SLC4A5: variants seen among roughly 807,000 people sequenced by gnomAD.
SLC4A5 encodes solute carrier family 4 member 5, also known as electrogenic sodium bicarbonate cotransporter 4.
SLC4A5 carries 96 observed loss-of-function variants against 120.4 expected under a neutral mutation model. The observed-to-expected ratio is 0.80, with a 90% CI of 0.68 to 0.94. The LOEUF (loss-of-function observed/expected upper bound fraction) is 0.94, where lower values mean the gene tolerates loss of function less well. Among genes scored for constraint, SLC4A5 ranks in the 40% least tolerant of loss-of-function variants. The pLI, the probability that SLC4A5 is intolerant of heterozygous loss-of-function variation, is 0.00. For missense variants in SLC4A5, 1,259 were observed against 1,459.5 expected, an observed-to-expected ratio of 0.86 and a Z score of 2.24; for synonymous variants, 550 against 571.1, an observed-to-expected ratio of 0.96 and a Z score of 0.53.
chr2:74,223,206 A>AT (rs1694718813), intron 28 of SLC4A5, among the ~76,000 whole-genome samples: 1 of 152,026 alleles, frequency 6.6e-6, no homozygotes, highest in Non-Finnish European at 1.5e-5. Flanking sequence ...GGGTTTCACC[A>AT]TGCTGGCCAG....
At chr2:74,299,195 A>G (rs1672408676) in intron 7 of SLC4A5, among the ~76,000 whole-genome samples, 1 of 152,180 alleles carries the variant, frequency 6.6e-6, no homozygotes, top group Non-Finnish European at 1.5e-5. Flanking sequence ...TACTAAAAAC[A>G]CAAAAATTAG....
At chr2:74,262,998 A>G (rs1671190191) in intron 10 of SLC4A5, among the ~76,000 whole-genome samples, 1 of 152,192 alleles carries the variant, frequency 6.6e-6, no homozygotes, top group Non-Finnish European at 1.5e-5. Context: ...AGTGCTGAGT[A>G]TGTATCTGTT....
At chr2:74,244,693 T>C (rs1180661351) in intron 19 of SLC4A5, among the ~76,000 whole-genome samples, 2 of 152,278 alleles carry the variant, frequency 1.3e-5, no homozygotes. Context: ...GTGAAATTCC[T>C]GTCTCAGCCT....
At chr2:74,313,895 C>A (rs982874339) in intron 6 of SLC4A5, among the ~76,000 whole-genome samples, 1 of 152,184 alleles carries the variant, frequency 6.6e-6, no homozygotes, top group Admixed American at 6.5e-5. Flanking sequence ...CAAGAGGCAG[C>A]TGCCCTAGGT....
chr2:74,289,917 A>C (rs984614058), intron 7 of SLC4A5, among the ~76,000 whole-genome samples: 1 of 152,230 alleles, frequency 6.6e-6, no homozygotes, highest in African/African-American at 2.4e-5. Flanking sequence ...TATGTTATTC[A>C]CCAGTTGAAA....
chr2:74,332,703 TTGTGTG>T (rs3834171), intron 4 of SLC4A5, among the ~76,000 whole-genome samples: 2 of 148,294 alleles, frequency 1.3e-5, no homozygotes, highest in Admixed American at 1.3e-4. Flanking sequence ...GGGTGTCCAT[TTGTGTG>T]TGTGTGTGTG....
At chr2:74,325,214 G>C (rs933171020) in intron 5 of SLC4A5, among the ~76,000 whole-genome samples, 2 of 152,188 alleles carry the variant, frequency 1.3e-5, no homozygotes, top group Non-Finnish European at 2.9e-5. Context: ...GGAAAAGAAA[G>C]TTTGTTGGAA....
At position 74,237,823 on chromosome 2, in the gene SLC4A5, TG is replaced by T. The variant is rs1162639034; in HGVS notation, c.2319+1511del. Among the ~76,000 whole-genome samples, 7 of 152,244 alleles carry T rather than the reference TG, an allele frequency of 4.6e-5. No individual in the cohort carries two copies. In the East Asian group the frequency reaches 1.4e-3, roughly 29 times the overall value. On this transcript the variant is annotated intron_variant, in intron 21 of 30. Transcript: ENST00000394019. ...TAAAATTTAAAACAGCAGTTAGGGCTGGGTGCGGTGGCTCACACCTGTAATC... is the reference window on the plus strand; with the variant it reads ...TAAAATTTAAAACAGCAGTTAGGGCTGGTGCGGTGGCTCACACCTGTAATC...
rs553939399 is a variant in SLC4A5 at position 74,247,389 on chromosome 2, C to T, written c.1788-82G>A. On this transcript the variant is annotated intron_variant, in intron 18 of 30. Coordinates refer to ENST00000394019, the Ensembl canonical transcript of SLC4A5. ...ACTCCTCAGACTCATCCTTAAGTGG[C>T]TTATCTGTCCTCCTGTGGCACTGAT... is the stretch of plus-strand genomic sequence containing the variant. 32 of 1,434,136 alleles carry T rather than the reference C, an allele frequency of 2.2e-5. No individual in the cohort carries two copies. The East Asian group carries it at 7.6e-4, about 34-fold the overall frequency. The allele number at this position is 1,434,136 out of a possible 1,614,324, so 88.8% of individuals were successfully genotyped here.
chr2:74,335,823 A>G (rs1156505298), intron 3 of SLC4A5, among the ~76,000 whole-genome samples: 1 of 152,228 alleles, frequency 6.6e-6, no homozygotes, highest in Non-Finnish European at 1.5e-5. Context: ...TAAGAAACAC[A>G]TAATAAGACA....
intron 7 of SLC4A5, among the ~76,000 whole-genome samples, chr2:74,297,823 G>C (rs1672377107): frequency 6.6e-6 from 1 of 152,132 alleles, no homozygotes; most frequent in South Asian, 2.1e-4. Flanking sequence ...GGTAAGGAGG[G>C]AGAGAGAGAA....
chr2:74,300,786 T>C (rs553588717), intron 7 of SLC4A5, among the ~76,000 whole-genome samples: 9 of 152,306 alleles, frequency 5.9e-5, no homozygotes, highest in South Asian at 2.1e-4. Context: ...GAGAGCAACT[T>C]TGCAGCAAGG....
intron 6 of SLC4A5, among the ~76,000 whole-genome samples, chr2:74,304,913 GAGC>G (rs1159869821): frequency 1.3e-5 from 2 of 152,174 alleles, no homozygotes; most frequent in African/African-American, 2.4e-5. Flanking sequence ...CTGTTAGAAT[GAGC>G]AGAACTCCCA....
At chr2:74,240,281 TC>T (rs1670397866) in intron 20 of SLC4A5, among the ~76,000 whole-genome samples, 1 of 152,108 alleles carries the variant, frequency 6.6e-6, no homozygotes, top group African/African-American at 2.4e-5. Flanking sequence ...GCATTCTACT[TC>T]CTCTTTGAGG....
intron 6 of SLC4A5, among the ~76,000 whole-genome samples, chr2:74,312,229 ATGTGTGTGTGTATATGTGTGTGTG>A (rs1464391461): frequency 1.3e-5 from 2 of 149,912 alleles, no homozygotes; most frequent in Non-Finnish European, 3.0e-5. Context: ...ATATCTCTAT[ATGTGTGTGTGTATATGTGTGTGTG>A]TGTGTGTGTG....
At chr2:74,274,269 C>CTCTA (rs1671569430) in intron 8 of SLC4A5, among the ~76,000 whole-genome samples, 1 of 152,172 alleles carries the variant, frequency 6.6e-6, no homozygotes, top group Admixed American at 6.5e-5. Flanking sequence ...TGCCACTGCA[C>CTCTA]TCTAGCCTGG....
At chr2:74,333,623 T>C (rs1030124549) in intron 4 of SLC4A5, among the ~76,000 whole-genome samples, 2 of 152,250 alleles carry the variant, frequency 1.3e-5, no homozygotes, top group East Asian at 1.9e-4. Flanking sequence ...TCACATTTTA[T>C]GTGAAGGACT....
At chr2:74,238,372 T>C (rs1670336300) in intron 21 of SLC4A5, among the ~76,000 whole-genome samples, 1 of 152,138 alleles carries the variant, frequency 6.6e-6, no homozygotes, top group African/African-American at 2.4e-5. Flanking sequence ...TTCATTTTGG[T>C]GAAATTTAAG....
At chr2:74,330,753 G>A (rs1286950607) in intron 4 of SLC4A5, among the ~76,000 whole-genome samples, 1 of 150,106 alleles carries the variant, frequency 6.7e-6, no homozygotes, top group East Asian at 2.0e-4. Context: ...AGGTCTATAT[G>A]GAGGTGCTGA....
Sources: allele counts gnomAD v4.1 joint callset (sites outside exome capture counted in the v4.1 genomes callset), GRCh38; gene constraint gnomAD v4.1.1; transcripts MANE v1.5; gene names NCBI Gene and HGNC (gene_info 2026-07-23, HGNC 2026-07-21).